RNF217: variants seen among roughly 807,000 people sequenced by gnomAD.
RNF217 encodes ring finger protein 217.
In RNF217, 31 loss-of-function variants were observed where a neutral mutation model predicts 57.8. The observed-to-expected ratio is 0.54, with a 90% CI of 0.40 to 0.72. RNF217 has a LOEUF of 0.72. RNF217 is among the 30% of genes least tolerant of loss of function. RNF217 has a pLI of 0.00. For missense variants in RNF217, 696 were observed against 708.3 expected (o/e 0.98, Z 0.20); for synonymous variants, 313 against 294.0 (o/e 1.06, Z -0.66).
chr6:125,062,901 A>G (rs1168416432), intron 3 of RNF217, among the ~76,000 whole-genome samples: 1 of 152,122 alleles, frequency 6.6e-6, no homozygotes. Context: ...TTTTTCAGTC[A>G]CTTATGAAAC....
In RNF217 at chr6:125,091,319, A is replaced by G. The variant is rs1788944404; in HGVS notation, c.*8382A>G. ...TGAGTATATAACATTCATATACGTT[A>G]TTAGTGCCTTATTTTTTTCACTTGA... On this transcript the variant is annotated 3_prime_UTR_variant, in exon 6 of 6. Coordinates refer to ENST00000521654, the MANE Select transcript of RNF217 (RefSeq NM_001286398.3). 6.6e-6 allele frequency: 1 copy of G among 152,010 alleles called. No homozygotes were observed. Among genetic ancestry groups the G allele is most frequent in the Non-Finnish European group, 1.5e-5 (1 of 67,918 alleles). 9.4% of individuals were successfully genotyped at this position (152,010 alleles called of 1,614,324 possible).
chr6:124,979,028 C>G (rs1438465259), intron 1 of RNF217, among the ~76,000 whole-genome samples: 1 of 152,048 alleles, frequency 6.6e-6, no homozygotes, highest in African/African-American at 2.4e-5. Flanking sequence ...CAGGTATCAT[C>G]CAGAAGAAAC....
intron 1 of RNF217, chr6:125,008,956 T>G: frequency 4.4e-6 from 1 of 225,962 alleles, no homozygotes; most frequent in Non-Finnish European, 8.6e-6. Context: ...GACAGTAGCA[T>G]TGTTATCATA....
chr6:125,034,387 G>A (rs1786508157), intron 1 of RNF217, among the ~76,000 whole-genome samples: 1 of 152,240 alleles, frequency 6.6e-6, no homozygotes, highest in African/African-American at 2.4e-5. Context: ...GTGTAAGGAA[G>A]GGATCCAGTT....
intron 1 of RNF217, among the ~76,000 whole-genome samples, chr6:125,001,260 A>C (rs1181307548): frequency 6.6e-6 from 1 of 152,058 alleles, no homozygotes; most frequent in Non-Finnish European, 1.5e-5. Context: ...TTGTATTTTT[A>C]ATGTGTTTTC....
At chr6:125,036,097 C>T (rs1786604025) in intron 1 of RNF217, among the ~76,000 whole-genome samples, 1 of 151,950 alleles carries the variant, frequency 6.6e-6, no homozygotes. Context: ...CCCTGACAGG[C>T]CTCGGTGTGT....
intron 1 of RNF217, among the ~76,000 whole-genome samples, chr6:125,039,338 C>T (rs1481138157): frequency 6.6e-6 from 1 of 151,732 alleles, no homozygotes; most frequent in Admixed American, 6.6e-5. Flanking sequence ...CAACAAAGAT[C>T]AAAAAAGACA....
Position 124,963,230 on chromosome 6 carries a change from T to C in RNF217, c.686T>C (p.Leu229Pro). 6.5e-7 allele frequency: 1 copy of C among 1,536,028 alleles called. No homozygotes were observed. Among genetic ancestry groups the C allele is most frequent in the Non-Finnish European group, 8.7e-7 (1 of 1,146,882 alleles). ...DGGSIELEFY[L>P]APEPFSMPSL... ...GGCAGCATCGAGCTGGAGTTCTACC[T>C]GGCGCCCGAGCCGTTCTCCATGCCC... The change falls in exon 1 of 6, where the codon CTG (leucine) becomes CCG (proline). Residue 229 changes from leucine to proline, a missense_variant. This residue lies in a region of RNF217 where 465 missense variants were observed against 386.8 expected (regional missense o/e 1.20). Transcript: ENST00000521654.
chr6:125,000,238 C>T lies in RNF217; in HGVS notation c.882+36812C>T, dbSNP rs1401702049. On this transcript the variant is annotated intron_variant, in intron 1 of 5. Transcript: ENST00000521654. ...TTAAATTGGTGTTTTAGTTTGTTTG[C>T]GATTCTAGAAACTAAAAATGTATTC... Among the ~76,000 whole-genome samples, 5 of 151,792 alleles carry T rather than the reference C, an allele frequency of 3.3e-5. No individual in the cohort carries two copies. In the South Asian group the frequency reaches 6.2e-4, roughly 19 times the overall value.
At chr6:125,052,284 TTGTGTGTGTGTGTG>T (rs368469313) in intron 2 of RNF217, among the ~76,000 whole-genome samples, 5,386 of 143,170 alleles carry the variant, frequency 0.038, 298 homozygotes, top group African/African-American at 0.12. Context: ...GTCATGCGTT[TTGTGTGTGTGTGTG>T]TGTGTGTGTG....
At chr6:125,020,691 T>C (rs1394117036) in intron 1 of RNF217, among the ~76,000 whole-genome samples, 2 of 152,208 alleles carry the variant, frequency 1.3e-5, no homozygotes, top group African/African-American at 4.8e-5. Context: ...TGGAAACTAT[T>C]TTTACCTCAC....
intron 1 of RNF217, among the ~76,000 whole-genome samples, chr6:125,003,445 T>A (rs1370678074): frequency 1.3e-5 from 2 of 152,184 alleles, no homozygotes; most frequent in Admixed American, 6.5e-5. Flanking sequence ...CAGTAACTAC[T>A]ACATAATAAA....
chr6:125,034,270 C>T (rs899505145), intron 1 of RNF217, among the ~76,000 whole-genome samples: 2 of 152,106 alleles, frequency 1.3e-5, no homozygotes, highest in African/African-American at 4.8e-5. Context: ...AGTCTTTGCC[C>T]ATGCCTATGT....
At position 124,963,249 on chromosome 6, in the gene RNF217, C is replaced by T. The variant is rs180867503; in HGVS notation, c.705C>T (p.Ser235=). Residue 235 remains serine (S), a synonymous_variant, in exon 1 of 6, where the codon TCC becomes TCT. Transcript: ENST00000521654. ...LEFYLAPEPF[S]MPSLLGAPPY... is the part of the protein sequence containing the mutation. ...TCTACCTGGCGCCCGAGCCGTTCTCCATGCCCAGCCTGTTGGGAGCTCCAC... is the reference window on the plus strand; with the variant it reads ...TCTACCTGGCGCCCGAGCCGTTCTCTATGCCCAGCCTGTTGGGAGCTCCAC... 56 of 1,536,120 alleles carry T rather than the reference C, an allele frequency of 3.6e-5. No individual in the cohort carries two copies. The African/African-American group carries it at 7.0e-4, about 19-fold the overall frequency.
At chr6:124,993,405 A>G (rs550386939) in intron 1 of RNF217, among the ~76,000 whole-genome samples, 3 of 152,240 alleles carry the variant, frequency 2.0e-5, no homozygotes, top group African/African-American at 7.2e-5. Flanking sequence ...TAAAATTATT[A>G]TCATTAGCCC....
intron 1 of RNF217, among the ~76,000 whole-genome samples, chr6:124,978,984 T>C (rs1784063972): frequency 2.6e-5 from 4 of 152,214 alleles, no homozygotes; most frequent in African/African-American, 7.2e-5. Context: ...GGTCCATGGG[T>C]GGTCTTTGGA....
intron 1 of RNF217, among the ~76,000 whole-genome samples, chr6:124,993,324 TAGAACAATAACTGGC>T (rs1400647903): frequency 6.6e-6 from 1 of 152,162 alleles, no homozygotes; most frequent in Non-Finnish European, 1.5e-5. Flanking sequence ...ATAGAGTGCC[TAGAACAATAACTGGC>T]AGATAGTAAT....
At chr6:125,031,501 A>G (rs1786357672) in intron 1 of RNF217, among the ~76,000 whole-genome samples, 1 of 152,066 alleles carries the variant, frequency 6.6e-6, no homozygotes, top group African/African-American at 2.4e-5. Context: ...TTCATCAGAT[A>G]CTCTAAATCA....
chr6:125,016,633 T>TA lies in RNF217; in HGVS notation c.883-28570dup, dbSNP rs200735539. Among the ~76,000 whole-genome samples, 1,213 of 151,620 alleles carry TA rather than the reference T, an allele frequency of 8.0e-3. 12 individuals carry two copies. The highest frequency in any genetic ancestry group is 0.027 in the African/African-American group (1,114 of 41,332). On this transcript the variant is annotated intron_variant, in intron 1 of 5. Transcript: ENST00000521654. Reference sequence around the variant, plus strand: ...AACACCACGGAATACTGTGCAGCCATAAAAAAAAGGATGAAGCTGGAAACA... The same window carrying TA: ...AACACCACGGAATACTGTGCAGCCATAAAAAAAAAGGATGAAGCTGGAAACA...
Sources: gnomAD v4.1 joint callset for allele counts (sites outside exome capture counted in the v4.1 genomes callset) on GRCh38, gnomAD v4.1.1 for gene constraint, gnomAD v4.1.1 regional missense constraint, MANE v1.5 for transcripts, NCBI Gene and HGNC (gene_info 2026-07-23, HGNC 2026-07-21) for gene names.